SAMMSON: variants seen among roughly 807,000 people sequenced by gnomAD.
SAMMSON encodes survival associated mitochondrial melanoma specific oncogenic non-coding RNA.
chr3:70,373,517 A>G (rs1329715524), intron 9 of SAMMSON, among the ~76,000 whole-genome samples: 1 of 152,138 alleles, frequency 6.6e-6, no homozygotes, highest in African/African-American at 2.4e-5. Context: ...GTCTTGTGCT[A>G]CATTGAGAAG....
At chr3:70,057,379 T>A (rs2107590873) in intron 3 of SAMMSON, among the ~76,000 whole-genome samples, 1 of 152,210 alleles carries the variant, frequency 6.6e-6, no homozygotes, top group African/African-American at 2.4e-5. Flanking sequence ...TCTATATACA[T>A]TTTTTAAATT....
intron 3 of SAMMSON, among the ~76,000 whole-genome samples, chr3:70,065,007 CT>C (rs2067204161): frequency 6.6e-6 from 1 of 152,024 alleles, no homozygotes; most frequent in Non-Finnish European, 1.5e-5. Context: ...AAAAATAATA[CT>C]GCAGTTTGAT....
At chr3:70,240,060 A>G (rs1379635030) in intron 4 of SAMMSON, among the ~76,000 whole-genome samples, 1 of 152,142 alleles carries the variant, frequency 6.6e-6, no homozygotes, top group African/African-American at 2.4e-5. Flanking sequence ...TCAATGCTCA[A>G]TACATCAGTA....
intron 4 of SAMMSON, among the ~76,000 whole-genome samples, chr3:70,139,331 C>T (rs2067518336): frequency 6.6e-6 from 1 of 152,096 alleles, no homozygotes; most frequent in East Asian, 1.9e-4. Context: ...GCTACCACAC[C>T]CAACCAAACC....
chr3:70,194,530 C>A (rs1451097059), intron 4 of SAMMSON, among the ~76,000 whole-genome samples: 1 of 152,178 alleles, frequency 6.6e-6, no homozygotes, highest in Non-Finnish European at 1.5e-5. Context: ...AAAGAAATTT[C>A]ACACTTTGTA....
chr3:70,418,218 C>G (rs990889764), intron 2 of SAMMSON, among the ~76,000 whole-genome samples: 1 of 152,146 alleles, frequency 6.6e-6, no homozygotes, highest in Non-Finnish European at 1.5e-5. Context: ...AGATAGTTTC[C>G]TCCCATAAGT....
chr3:70,279,201 T>C (rs1166393542), intron 6 of SAMMSON, among the ~76,000 whole-genome samples: 1 of 151,698 alleles, frequency 6.6e-6, no homozygotes, highest in Admixed American at 6.6e-5. Context: ...CTGTGATAAA[T>C]GCTTTGCATG....
chr3:70,245,076 AGAG>A (rs762951303), intron 4 of SAMMSON, among the ~76,000 whole-genome samples: 8 of 152,170 alleles, frequency 5.3e-5, no homozygotes, highest in Non-Finnish European at 7.4e-5. Context: ...TTCATTTTGA[AGAG>A]GAGAAGTCAT....
chr3:70,176,608 G>A (rs977419659), intron 4 of SAMMSON, among the ~76,000 whole-genome samples: 2 of 152,028 alleles, frequency 1.3e-5, no homozygotes, highest in African/African-American at 2.4e-5. Flanking sequence ...CTACTTAAAC[G>A]ACTTTTCAAA....
At chr3:70,300,856 C>T (rs1702341715) in intron 7 of SAMMSON, among the ~76,000 whole-genome samples, 1 of 152,052 alleles carries the variant, frequency 6.6e-6, no homozygotes, top group African/African-American at 2.4e-5. Flanking sequence ...TTTGGACACT[C>T]CAAGGTATTC....
At chr3:70,282,582 T>G (rs2106683240) in intron 6 of SAMMSON, among the ~76,000 whole-genome samples, 1 of 152,312 alleles carries the variant, frequency 6.6e-6, no homozygotes, top group South Asian at 2.1e-4. Flanking sequence ...AATCAGGAAC[T>G]TTGCACTTGC....
chr3:70,099,116 T>G (rs1465590685), intron 4 of SAMMSON, among the ~76,000 whole-genome samples: 1 of 152,218 alleles, frequency 6.6e-6, no homozygotes, highest in Non-Finnish European at 1.5e-5. Flanking sequence ...GCTATTTCCT[T>G]TTGTCAGACA....
At chr3:70,052,225 C>G (rs1576109404) in intron 3 of SAMMSON, among the ~76,000 whole-genome samples, 2 of 152,064 alleles carry the variant, frequency 1.3e-5, no homozygotes, top group African/African-American at 4.8e-5. Flanking sequence ...AGAATATTCC[C>G]ACTTTGACAA....
chr3:70,076,624 C>T (rs1291636619), intron 4 of SAMMSON, among the ~76,000 whole-genome samples: 3 of 151,988 alleles, frequency 2.0e-5, no homozygotes, highest in South Asian at 2.1e-4. Flanking sequence ...GAAAATTGGC[C>T]GCTGAAAAAC....
At chr3:70,340,999 A>T (rs1027510758) in intron 7 of SAMMSON, among the ~76,000 whole-genome samples, 1 of 152,140 alleles carries the variant, frequency 6.6e-6, no homozygotes, top group Non-Finnish European at 1.5e-5. Context: ...ATAATGCTGA[A>T]AACACCTGTC....
At chr3:70,175,906 G>A (rs930496660) in intron 4 of SAMMSON, among the ~76,000 whole-genome samples, 1 of 151,874 alleles carries the variant, frequency 6.6e-6, no homozygotes, top group African/African-American at 2.4e-5. Flanking sequence ...GCTTTACATG[G>A]GGCCACCGAA....
chr3:70,086,995 G>A (rs1240472432), intron 4 of SAMMSON, among the ~76,000 whole-genome samples: 2 of 152,256 alleles, frequency 1.3e-5, no homozygotes, highest in East Asian at 1.9e-4. Context: ...AATACAGCCC[G>A]CGGCTGTTTG....
intron 3 of SAMMSON, among the ~76,000 whole-genome samples, chr3:70,031,484 ATGCACTTAG>A (rs1559776998): frequency 1.3e-5 from 2 of 152,210 alleles, no homozygotes. Flanking sequence ...AGCATTGTGA[ATGCACTTAG>A]TGCCACTGAA....
At chr3:70,087,001 G>C (rs1433282741) in intron 4 of SAMMSON, among the ~76,000 whole-genome samples, 1 of 152,166 alleles carries the variant, frequency 6.6e-6, no homozygotes, top group Admixed American at 6.5e-5. Flanking sequence ...GCCCGCGGCT[G>C]TTTGATTGAA....
Sources: gnomAD v4.1 joint callset for allele counts (sites outside exome capture counted in the v4.1 genomes callset) on GRCh38, gnomAD v4.1.1 for gene constraint, MANE v1.5 for transcripts, NCBI Gene and HGNC (gene_info 2026-07-23, HGNC 2026-07-21) for gene names.